Variants in HSPA6 observed in about 807,000 individuals in gnomAD.
HSPA6 encodes the protein heat shock protein family A (Hsp70) member 6.
For synonymous variants in HSPA6, 312 were observed against 368.2 expected (o/e 0.85, Z 1.75); for missense variants, 718 against 860.9 (o/e 0.83, Z 2.08).
Position 161,524,879 on chromosome 1 carries a change from G to C in HSPA6, c.221G>C (p.Arg74Pro), listed in dbSNP as rs1307988395. 1.2e-6 allele frequency: 2 copies of C among 1,612,938 alleles called. No homozygotes were observed. The stretch of plus-strand genomic sequence containing the variant: ...CACAACACCGTGTTCGATGCCAAGC[G>C]GCTGATCGGGCGCAAGTTCGCGGAC... ...NPHNTVFDAK[R>P]LIGRKFADTT... Residue 74 changes from arginine (R) to proline (P), a missense_variant, in exon 1 of 1, where the codon CGG (arginine) becomes CCG (proline). Physicochemically the swap from Arg to Pro is moderately radical, Grantham distance 103. Coordinates refer to ENST00000309758, the MANE Select transcript of HSPA6 (RefSeq NM_002155.5).
Position 161,525,629 on chromosome 1 carries a change from G to A in HSPA6, c.971G>A (p.Arg324Gln), listed in dbSNP as rs1676665875. The A allele has an allele frequency of 3.1e-6, 5 of 1,613,796 alleles. No individual in the cohort carries two copies. The highest frequency in any genetic ancestry group is 4.2e-6 in the Non-Finnish European group (5 of 1,179,866). Residue 324 changes from arginine (R) to glutamine (Q), a missense_variant, in exon 1 of 1, where the codon CGG becomes CAG. Transcript: ENST00000309758. ...CTGGAGCCGGTGGAGAAGGCCCTGC[G>A]GGATGCCAAGCTGGACAAGGCCCAG... is the stretch of plus-strand genomic sequence containing the variant. Reference protein sequence around the residue: ...STLEPVEKALRDAKLDKAQIH... With the variant: ...STLEPVEKALQDAKLDKAQIH...
Position 161,525,237 on chromosome 1 carries a change from A to G in HSPA6, c.579A>G (p.Gly193=), listed in dbSNP as rs1571997766. 4 of 1,613,898 alleles carry G rather than the reference A, an allele frequency of 2.5e-6. No homozygotes were observed. Among genetic ancestry groups the G allele is most frequent in the Non-Finnish European group, 3.4e-6 (4 of 1,179,938 alleles). ...IAYGLDRRGA[G]ERNVLIFDLG... is the part of the protein sequence containing the mutation. ...ATGGGCTGGACCGGCGGGGCGCGGGAGAGCGCAACGTGCTCATTTTTGACC... is the reference window on the plus strand; with the variant it reads ...ATGGGCTGGACCGGCGGGGCGCGGGGGAGCGCAACGTGCTCATTTTTGACC... Residue 193 remains glycine (G), a synonymous_variant, in exon 1 of 1, where the codon GGA becomes GGG. Transcript: ENST00000309758.
Position 161,525,146 on chromosome 1 carries a change from CG to C in HSPA6, c.493del (p.Ala165ProfsTer57), listed in dbSNP as rs1175952675. On this transcript the variant is annotated frameshift_variant, in exon 1 of 1. Transcript: ENST00000309758. LOFTEE classifies it low-confidence loss of function (END_TRUNC). ...TCGCAGCGCCAGGCCACCAAGGACG[CG>C]GGGGCCATCGCGGGGCTCAACGTGT... ...NDSQRQATKD[A>X]GAIAGLNVLR... 1 of 1,613,802 alleles carries C rather than the reference CG, an allele frequency of 6.2e-7. No homozygotes were observed. The highest frequency in any genetic ancestry group is 2.2e-5 in the East Asian group (1 of 44,876).
chr1:161,525,435 G>A lies in HSPA6; in HGVS notation c.777G>A (p.Lys259=). The part of the protein sequence containing the change: ...RKHGKDLSGN[K]RALRRLRTAC... ...ATGGGAAGGACCTGAGCGGGAACAA[G>A]CGTGCCCTGCGCAGGCTGCGCACAG... The change falls in exon 1 of 1, where the codon AAG becomes AAA. Residue 259 remains lysine, a synonymous_variant. Transcript: ENST00000309758. 1.2e-6 allele frequency: 2 copies of A among 1,611,440 alleles called. No homozygotes were observed. Among genetic ancestry groups the A allele is most frequent in the Non-Finnish European group, 1.7e-6 (2 of 1,178,730 alleles).
chr1:161,526,077 C>A lies in HSPA6; in HGVS notation c.1419C>A (p.Val473=). Residue 473 remains valine, a synonymous_variant, in exon 1 of 1, where the codon GTC becomes GTA. Coordinates refer to ENST00000309758, the MANE Select transcript of HSPA6 (RefSeq NM_002155.5). ...GCATCCCTCCTGCCCCACGTGGAGT[C>A]CCCCAGATAGAGGTGACTTTTGACA... ...LSGIPPAPRG[V]PQIEVTFDID... is the part of the protein sequence containing the mutation. The A allele has an allele frequency of 1.2e-6, 2 of 1,613,816 alleles. No individual in the cohort carries two copies. Among genetic ancestry groups the A allele is most frequent in the Non-Finnish European group, 1.7e-6 (2 of 1,179,876 alleles).
chr1:161,526,594 G>C lies in HSPA6; in HGVS notation c.*4G>C. On this transcript the variant is annotated 3_prime_UTR_variant, in exon 1 of 1. Coordinates refer to ENST00000309758, the MANE Select transcript of HSPA6 (RefSeq NM_002155.5). ...CATCATTGAGGAGGTTGATTGAATG[G>C]CCCTTCGTGATAAGTCAGCTGTGAC... The C allele has an allele frequency of 3.3e-6, 5 of 1,521,128 alleles. No individual in the cohort carries two copies. The highest frequency in any genetic ancestry group is 4.4e-6 in the Non-Finnish European group (5 of 1,136,186). The allele number at this position is 1,521,128 out of a possible 1,614,324, so 94.2% of individuals were successfully genotyped here. A position where few individuals can be genotyped will look rare whatever the true frequency, so the allele number is the denominator to read the frequency against.
In HSPA6 at chr1:161,525,950, C is replaced by A; in HGVS notation, c.1292C>A (p.Thr431Asn). ...CCCACCAAGCAGACCCAGACTTTCACCACCTACTCGGACAACCAGCCTGGG... is the reference window on the plus strand; with the variant it reads ...CCCACCAAGCAGACCCAGACTTTCAACACCTACTCGGACAACCAGCCTGGG... ...TIPTKQTQTF[T>N]TYSDNQPGVF... The change falls in exon 1 of 1, where the codon ACC (threonine) becomes AAC (asparagine). Residue 431 changes from threonine (T) to asparagine (N), a missense_variant. Thr to Asn is a moderately conservative substitution (Grantham distance 65). Coordinates refer to ENST00000309758, the MANE Select transcript of HSPA6 (RefSeq NM_002155.5). The A allele has an allele frequency of 6.2e-7, 1 of 1,613,254 alleles. No individual in the cohort carries two copies. Among genetic ancestry groups the A allele is most frequent in the Admixed American group, 1.7e-5 (1 of 59,940 alleles).
Position 161,526,587 on chromosome 1 carries a change from T to C in HSPA6, c.1929T>C (p.Asp643=), listed in dbSNP as rs1676709541. 3 of 1,528,288 alleles carry C rather than the reference T, an allele frequency of 2.0e-6. No individual in the cohort carries two copies. The highest frequency in any genetic ancestry group is 2.1e-5 in the Admixed American group (1 of 47,508). The allele number at this position is 1,528,288 out of a possible 1,614,324, so 94.7% of individuals were successfully genotyped here. A position where few individuals can be genotyped will look rare whatever the true frequency, so the allele number is the denominator to read the frequency against. ...PSTGPIIEEV[D] ...CCGGCCCCATCATTGAGGAGGTTGA[T>C]TGAATGGCCCTTCGTGATAAGTCAG... The change falls in exon 1 of 1, where the codon GAT becomes GAC. Residue 643 remains aspartate (D), a synonymous_variant. Coordinates refer to ENST00000309758, the MANE Select transcript of HSPA6 (RefSeq NM_002155.5).
rs935593872 is a variant in HSPA6, at chr1:161,524,947, G to C, written c.289G>C (p.Val97Leu). The change falls in exon 1 of 1, where the codon GTG becomes CTG. Residue 97 changes from valine to leucine, a missense_variant. Val to Leu is a conservative substitution (Grantham distance 32). Transcript: ENST00000309758. ...CATGAAGCACTGGCCCTTCCGGGTG[G>C]TGAGCGAGGGCGGCAAGCCCAAGGT... ...SDMKHWPFRV[V>L]SEGGKPKVRV... 1 of 1,613,672 alleles carries C rather than the reference G, an allele frequency of 6.2e-7. No homozygotes were observed.
At position 161,525,778 on chromosome 1, in the gene HSPA6, G is replaced by T. The variant is rs768078077; in HGVS notation, c.1120G>T (p.Gly374Trp). ...CAACCCTGATGAGGCTGTGGCCTATGGGGCTGCTGTGCAGGCGGCCGTGTT... is the reference window on the plus strand; with the variant it reads ...CAACCCTGATGAGGCTGTGGCCTATTGGGCTGCTGTGCAGGCGGCCGTGTT... The part of the protein sequence containing the change: ...SINPDEAVAY[G>W]AAVQAAVLMG... Residue 374 changes from glycine to tryptophan, a missense_variant, in exon 1 of 1, where the codon GGG becomes TGG. Gly to Trp is a radical substitution (Grantham distance 184, BLOSUM62 -2). Coordinates refer to ENST00000309758, the MANE Select transcript of HSPA6 (RefSeq NM_002155.5). 1 of 1,605,690 alleles carries T rather than the reference G, an allele frequency of 6.2e-7. No homozygotes were observed. The highest frequency in any genetic ancestry group is 8.5e-7 in the Non-Finnish European group (1 of 1,175,172).
In HSPA6 at chr1:161,526,445, A is replaced by C; in HGVS notation, c.1787A>C (p.His596Pro). The C allele has an allele frequency of 1.9e-6, 3 of 1,582,054 alleles. No individual in the cohort carries two copies. The highest frequency in any genetic ancestry group is 2.3e-5 in the East Asian group (1 of 42,966). Residue 596 changes from histidine to proline, a missense_variant, in exon 1 of 1, where the codon CAT becomes CCT. By Grantham distance (77) the His-to-Pro change is moderately conservative. Coordinates refer to ENST00000309758, the MANE Select transcript of HSPA6 (RefSeq NM_002155.5). ...NQLAEKEEYE[H>P]QKRELEQICR... Reference sequence around the variant, plus strand: ...CTGGCAGAGAAGGAGGAGTATGAGCATCAGAAGAGGGAGCTGGAGCAAATC... The same window carrying C: ...CTGGCAGAGAAGGAGGAGTATGAGCCTCAGAAGAGGGAGCTGGAGCAAATC...
rs541135426 is a variant in HSPA6, at chr1:161,525,109, T to A, written c.451T>A (p.Tyr151Asn). The A allele has an allele frequency of 2.5e-6, 4 of 1,613,744 alleles. No individual in the cohort carries two copies. Among genetic ancestry groups the A allele is most frequent in the Non-Finnish European group, 3.4e-6 (4 of 1,179,948 alleles). The change falls in exon 1 of 1, where the codon TAT (tyrosine) becomes AAT (asparagine). Residue 151 changes from tyrosine (Y) to asparagine (N), a missense_variant. Physicochemically the swap from Tyr to Asn is moderately radical, Grantham distance 143. Transcript: ENST00000309758. Reference protein sequence around the residue: ...VKHAVITVPAYFNDSQRQATK... With the variant: ...VKHAVITVPANFNDSQRQATK... ...GCACGCAGTGATCACCGTGCCCGCC[T>A]ATTTCAATGACTCGCAGCGCCAGGC...
At position 161,525,063 on chromosome 1, in the gene HSPA6, G is replaced by T. The variant is rs764740731; in HGVS notation, c.405G>T (p.Ala135=). The T allele has an allele frequency of 1.2e-6, 2 of 1,613,152 alleles. No homozygotes were observed. The highest frequency in any genetic ancestry group is 2.2e-5 in the South Asian group (2 of 91,010). Residue 135 remains alanine (A), a synonymous_variant, in exon 1 of 1, where the codon GCG becomes GCT. Coordinates refer to ENST00000309758, the MANE Select transcript of HSPA6 (RefSeq NM_002155.5). ...GCAAGATGAAGGAGACGGCCGAGGC[G>T]TACCTGGGCCAGCCCGTGAAGCACG... ...VLSKMKETAE[A]YLGQPVKHAV...
chr1:161,526,300 G>A lies in HSPA6; in HGVS notation c.1642G>A (p.Val548Ile), dbSNP rs1234668845. Reference sequence around the variant, plus strand: ...TGCCAAAAACTCGCTGGAGGCCCATGTCTTCCATGTGAAAGGTTCTTTGCA... The same window carrying A: ...TGCCAAAAACTCGCTGGAGGCCCATATCTTCCATGTGAAAGGTTCTTTGCA... The part of the protein sequence containing the change: ...VAAKNSLEAH[V>I]FHVKGSLQEE... The change falls in exon 1 of 1, where the codon GTC becomes ATC. Residue 548 changes from valine (V) to isoleucine (I), a missense_variant. Coordinates refer to ENST00000309758, the MANE Select transcript of HSPA6 (RefSeq NM_002155.5). 1.9e-6 allele frequency: 3 copies of A among 1,609,252 alleles called. No individual in the cohort carries two copies. The highest frequency in any genetic ancestry group is 2.7e-5 in the African/African-American group (2 of 74,750).
rs1469397339 is a variant in HSPA6 at position 161,525,054 on chromosome 1, G to C, written c.396G>C (p.Thr132=). 6.2e-7 allele frequency: 1 copy of C among 1,613,050 alleles called. No individual in the cohort carries two copies. Among genetic ancestry groups the C allele is most frequent in the East Asian group, 2.2e-5 (1 of 44,858 alleles). ...SSMVLSKMKE[T]AEAYLGQPVK... ...TGGTGCTGAGCAAGATGAAGGAGACGGCCGAGGCGTACCTGGGCCAGCCCG... is the reference window on the plus strand; with the variant it reads ...TGGTGCTGAGCAAGATGAAGGAGACCGCCGAGGCGTACCTGGGCCAGCCCG... The change falls in exon 1 of 1, where the codon ACG becomes ACC. Residue 132 remains threonine, a synonymous_variant. Transcript: ENST00000309758.
Position 161,526,110 on chromosome 1 carries a change from T to A in HSPA6, c.1452T>A (p.Ala484=). ...PQIEVTFDID[A]NGILSVTATD... ...TAGAGGTGACTTTTGACATTGATGC[T>A]AATGGCATCCTGAGCGTGACAGCCA... Residue 484 remains alanine, a synonymous_variant, in exon 1 of 1, where the codon GCT becomes GCA. Coordinates refer to ENST00000309758, the MANE Select transcript of HSPA6 (RefSeq NM_002155.5). 6.2e-7 allele frequency: 1 copy of A among 1,613,742 alleles called. No homozygotes were observed. Among genetic ancestry groups the A allele is most frequent in the Non-Finnish European group, 8.5e-7 (1 of 1,179,818 alleles).
rs1447492026 is a variant in HSPA6 at position 161,525,900 on chromosome 1, G to A, written c.1242G>A (p.Thr414=). ...GLETAGGVMT[T]LIQRNATIPT... is the part of the protein sequence containing the mutation. ...AGACAGCAGGTGGGGTGATGACCAC[G>A]CTGATCCAGAGGAACGCCACTATCC... Residue 414 remains threonine (T), a synonymous_variant, in exon 1 of 1, where the codon ACG becomes ACA. Transcript: ENST00000309758. The A allele has an allele frequency of 3.1e-6, 5 of 1,597,838 alleles. 1 individual carries two copies. The highest frequency in any genetic ancestry group is 4.3e-6 in the Non-Finnish European group (5 of 1,169,970).
chr1:161,525,204 C>T lies in HSPA6; in HGVS notation c.546C>T (p.Ala182=). The T allele has an allele frequency of 1.2e-6, 2 of 1,614,016 alleles. No individual in the cohort carries two copies. The highest frequency in any genetic ancestry group is 1.7e-6 in the Non-Finnish European group (2 of 1,179,956). ...TCATCAATGAGCCCACGGCAGCTGC[C>T]ATCGCCTATGGGCTGGACCGGCGGG... ...LRIINEPTAA[A]IAYGLDRRGA... Residue 182 remains alanine (A), a synonymous_variant, in exon 1 of 1, where the codon GCC becomes GCT. Coordinates refer to ENST00000309758, the MANE Select transcript of HSPA6 (RefSeq NM_002155.5).
At position 161,525,188 on chromosome 1, in the gene HSPA6, A is replaced by G. The variant is rs1485908134; in HGVS notation, c.530A>G (p.Glu177Gly). Residue 177 changes from glutamate to glycine, a missense_variant, in exon 1 of 1, where the codon GAG (glutamate) becomes GGG (glycine). Physicochemically the swap from Glu to Gly is moderately conservative, Grantham distance 98. Coordinates refer to ENST00000309758, the MANE Select transcript of HSPA6 (RefSeq NM_002155.5). Reference sequence around the variant, plus strand: ...CTCAACGTGTTGCGGATCATCAATGAGCCCACGGCAGCTGCCATCGCCTAT... The same window carrying G: ...CTCAACGTGTTGCGGATCATCAATGGGCCCACGGCAGCTGCCATCGCCTAT... ...AGLNVLRIIN[E>G]PTAAAIAYGL... 3 of 1,613,794 alleles carry G rather than the reference A, an allele frequency of 1.9e-6. No homozygotes were observed. The Admixed American group carries it at 5.0e-5, about 27-fold the overall frequency.
Sources: allele counts gnomAD v4.1 joint callset, GRCh38; gene constraint gnomAD v4.1.1; transcripts MANE v1.5; gene names NCBI Gene and HGNC (gene_info 2026-07-23, HGNC 2026-07-21).